The following TBC1D30 variants were observed in gnomAD, a reference collection of about 807,000 sequenced individuals.
TBC1D30 encodes the protein TBC1 domain family, member 30.
A neutral mutation model predicts 63.2 loss-of-function variants in TBC1D30; 31 were observed. The ratio of observed to expected loss-of-function variants is 0.49; its 90% CI spans 0.37 to 0.66. The LOEUF is 0.66. TBC1D30 is among the 30% of genes least tolerant of loss of function. TBC1D30 has a pLI of 0.00. For synonymous variants in TBC1D30, 307 were observed against 361.5 expected, an observed-to-expected ratio of 0.85 and a Z score of 1.71; for missense variants, 810 against 953.6, an observed-to-expected ratio of 0.85 and a Z score of 1.98.
At chr12:64,783,654 C>T (rs1871401828) in intron 1 of TBC1D30, among the ~76,000 whole-genome samples, 1 of 151,564 alleles carries the variant, frequency 6.6e-6, no homozygotes, top group Non-Finnish European at 1.5e-5. Flanking sequence ...ACATTTTCAC[C>T]CTCAACTCTG....
intron 7 of TBC1D30, among the ~76,000 whole-genome samples, chr12:64,842,480 C>T (rs999108938): frequency 6.6e-6 from 1 of 152,150 alleles, no homozygotes; most frequent in Admixed American, 6.5e-5. Flanking sequence ...TCACAGGTAG[C>T]CAAGTGAGTG....
chr12:64,806,073 C>T (rs1197152612), intron 2 of TBC1D30, among the ~76,000 whole-genome samples: 1 of 152,160 alleles, frequency 6.6e-6, no homozygotes, highest in Non-Finnish European at 1.5e-5. Context: ...GTTCATTCAA[C>T]CCCACCAATG....
intron 5 of TBC1D30, among the ~76,000 whole-genome samples, chr12:64,835,665 A>G (rs1875283717): frequency 6.6e-6 from 1 of 152,146 alleles, no homozygotes. Flanking sequence ...TAGTGATTCA[A>G]TACTATTATA....
chr12:64,824,845 G>A lies in TBC1D30; in HGVS notation c.-35G>A, dbSNP rs927045513. On this transcript the variant is annotated 5_prime_UTR_variant, in exon 1 of 12. Coordinates refer to ENST00000539867, the MANE Select transcript of TBC1D30 (RefSeq NM_015279.2). ...GAGTGGGGTAGCGGGGACCGAGACG[G>A]ACGGTAGCCGTGCCAGAGCCCGGGG... 10 of 1,528,532 alleles carry A rather than the reference G, an allele frequency of 6.5e-6. No individual in the cohort carries two copies. In the African/African-American group the frequency reaches 1.4e-4, roughly 21 times the overall value. The allele number at this position is 1,528,532 out of a possible 1,614,324, so 94.7% of individuals were successfully genotyped here.
At chr12:64,841,862 C>T (rs953641175) in intron 7 of TBC1D30, among the ~76,000 whole-genome samples, 62 of 152,210 alleles carry the variant, frequency 4.1e-4, no homozygotes, top group African/African-American at 1.5e-3. Context: ...AGTAATATTT[C>T]AGCAGTTTGT....
intron 2 of TBC1D30, among the ~76,000 whole-genome samples, chr12:64,816,265 T>G (rs1453043990): frequency 6.6e-6 from 1 of 152,154 alleles, no homozygotes; most frequent in African/African-American, 2.4e-5. Context: ...ATTCCTGACC[T>G]CAGGTGATCT....
rs968599384 is a variant in TBC1D30, at chr12:64,880,913, A to C, written c.*5125A>C. On this transcript the variant is annotated 3_prime_UTR_variant, in exon 12 of 12. Coordinates refer to ENST00000539867, the MANE Select transcript of TBC1D30 (RefSeq NM_015279.2). ...GGGAAGGAGGTGGATCAATTCTCCT[A>C]TGGGACCAACAGTTTTCTGGGAAGA... 3 of 152,178 alleles carry C rather than the reference A, an allele frequency of 2.0e-5. No individual in the cohort carries two copies. Among genetic ancestry groups the C allele is most frequent in the Non-Finnish European group, 2.9e-5 (2 of 68,028 alleles). The allele number at this position is 152,178 out of a possible 1,614,324, so 9.4% of individuals were successfully genotyped here.
At chr12:64,803,869 G>T (rs1432620829) in intron 2 of TBC1D30, among the ~76,000 whole-genome samples, 1 of 152,096 alleles carries the variant, frequency 6.6e-6, no homozygotes, top group African/African-American at 2.4e-5. Context: ...TCTCTGTTTT[G>T]GTACCAGTAT....
chr12:64,785,327 T>G (rs1402307242), intron 1 of TBC1D30, among the ~76,000 whole-genome samples: 3 of 152,082 alleles, frequency 2.0e-5, no homozygotes, highest in African/African-American at 7.2e-5. Flanking sequence ...TTTGTATTTT[T>G]AGTAGAGATG....
chr12:64,817,837 C>T (rs529580352), intron 2 of TBC1D30, among the ~76,000 whole-genome samples: 12 of 152,152 alleles, frequency 7.9e-5, no homozygotes, highest in Admixed American at 3.3e-4. Context: ...CCAAGGCAGG[C>T]GCGTCATTTG....
chr12:64,864,599 C>A (rs1878057916), intron 8 of TBC1D30, 69 bp from the exon 9 acceptor site: 1 of 1,087,648 alleles, frequency 9.2e-7, no homozygotes, highest in Non-Finnish European at 1.4e-6. Context: ...ACTTTAATGT[C>A]TTTCCAGGAT....
At chr12:64,840,004 C>CAAAAAAAAAAAAAAAAAAAAAAA (rs60440376) in intron 7 of TBC1D30, among the ~76,000 whole-genome samples, 21 of 98,318 alleles carry the variant, frequency 2.1e-4, no homozygotes, top group Middle Eastern at 5.3e-3. Context: ...GACTCTGTCT[C>CAAAAAAAAAAAAAAAAAAAAAAA]AAAAAAAAAA....
chr12:64,858,428 T>C (rs1206273131), intron 8 of TBC1D30, among the ~76,000 whole-genome samples: 1 of 152,166 alleles, frequency 6.6e-6, no homozygotes, highest in African/African-American at 2.4e-5. Flanking sequence ...TCAGGGCCCA[T>C]GGCATACTCC....
chr12:64,788,302 CAT>C (rs1055425162), intron 2 of TBC1D30, among the ~76,000 whole-genome samples: 1 of 151,980 alleles, frequency 6.6e-6, no homozygotes, highest in Non-Finnish European at 1.5e-5. Flanking sequence ...TTGATTTACA[CAT>C]GTCAAGTTAA....
At chr12:64,784,282 T>G (rs1185352324) in intron 1 of TBC1D30, among the ~76,000 whole-genome samples, 1 of 152,088 alleles carries the variant, frequency 6.6e-6, no homozygotes, top group Non-Finnish European at 1.5e-5. Flanking sequence ...CTTCCTTGCC[T>G]AAAAATCACT....
chr12:64,876,878 C>G lies in TBC1D30; in HGVS notation c.*1090C>G, dbSNP rs1879126189. 4.4e-6 allele frequency: 2 copies of G among 456,068 alleles called. No homozygotes were observed. Among genetic ancestry groups the G allele is most frequent in the South Asian group, 1.5e-5 (1 of 64,556 alleles). 28.3% of individuals were successfully genotyped at this position (456,068 alleles called of 1,614,324 possible). ...TCAGGGATAGCACCTCTTGTCTCCACTATGCAGATGGGAACTCTGAGCCAC... is the reference window on the plus strand; with the variant it reads ...TCAGGGATAGCACCTCTTGTCTCCAGTATGCAGATGGGAACTCTGAGCCAC... On this transcript the variant is annotated 3_prime_UTR_variant, in exon 12 of 12. Transcript: ENST00000539867.
chr12:64,780,469 C>A (rs1871206995), upstream of TBC1D30, among the ~76,000 whole-genome samples: 2 of 152,260 alleles, frequency 1.3e-5, 1 homozygote, highest in Admixed American at 1.3e-4. Flanking sequence ...TCAGCGCCCT[C>A]CCCCTCCGTG....
intron 8 of TBC1D30, among the ~76,000 whole-genome samples, chr12:64,854,687 G>T (rs12308367): frequency 0.043 from 6,492 of 152,080 alleles, 455 homozygotes; most frequent in African/African-American, 0.15. Flanking sequence ...AGTAGAGACA[G>T]GGTTTCACCG....
Position 64,787,515 on chromosome 12 carries a change from C to CT in TBC1D30, c.643+1478dup, listed in dbSNP as rs551905518. On this transcript the variant is annotated intron_variant, in intron 2 of 12. Coordinates refer to the TBC1D30 transcript ENST00000542120. ...ACGTAAATTGACACCTCCTAGAGTG[C>CT]TTTTTTTTCAAAATTGCAAATTAAG... The CT allele has an allele frequency of 9.5e-4, 284 of 297,504 alleles. 2 individuals carry two copies. Among genetic ancestry groups the CT allele is most frequent in the African/African-American group, 5.6e-3 (248 of 43,918 alleles). 18.4% of individuals were successfully genotyped at this position (297,504 alleles called of 1,614,324 possible).
Sources: allele counts gnomAD v4.1 joint callset (sites outside exome capture counted in the v4.1 genomes callset), GRCh38; gene constraint gnomAD v4.1.1; transcripts MANE v1.5; gene names NCBI Gene and HGNC (gene_info 2026-07-23, HGNC 2026-07-21).